Variants in KCNMA1 observed in about 807,000 individuals in gnomAD.
KCNMA1 encodes potassium calcium-activated channel subfamily M alpha 1, also known as Calcium-activated potassium channel subunit alpha-1.
A neutral mutation model predicts 140.0 loss-of-function variants in KCNMA1; 29 were observed. That is an observed-to-expected ratio of 0.21 (90% CI 0.15 to 0.28). KCNMA1 has a LOEUF of 0.28. Among genes scored for constraint, KCNMA1 ranks in the 10% least tolerant of loss-of-function variants. The pLI is 1.00. For missense variants in KCNMA1, 880 were observed against 1,602.2 expected (o/e 0.55, Z 7.70); for synonymous variants, 612 against 611.9 (o/e 1.00, Z 0.00).
rs564745394 is a variant in KCNMA1, at chr10:76,887,574, C to G, written c.3462-59G>C. The G allele has an allele frequency of 3.8e-6, 6 of 1,597,740 alleles. No homozygotes were observed. The South Asian group carries it at 6.6e-5, about 18-fold the overall frequency. On this transcript the variant is annotated intron_variant, in intron 27 of 27. Transcript: ENST00000286628. The stretch of plus-strand genomic sequence containing the variant: ...GAGTAACTGAGTAAAGAATTCAACT[C>G]TCTCTGAACCAAAAGCAATGGCCTG...
intron 6 of KCNMA1, among the ~76,000 whole-genome samples, chr10:77,118,820 G>A (rs1328588035): frequency 6.6e-6 from 1 of 152,178 alleles, no homozygotes. Context: ...CAAGTTCTCT[G>A]ACAGCAGGAC....
chr10:76,881,287 T>C (rs1253824480), downstream of KCNMA1, among the ~76,000 whole-genome samples: 3 of 152,222 alleles, frequency 2.0e-5, no homozygotes, highest in Non-Finnish European at 4.4e-5. Flanking sequence ...AGCAAATTTA[T>C]CTTAGCTTCA....
Position 77,150,936 on chromosome 10 carries a change from T to C in KCNMA1, c.809-29888A>G, listed in dbSNP as rs79283558. Among the ~76,000 whole-genome samples the C allele has an allele frequency of 2.7e-3, 409 of 152,280 alleles. 13 individuals carry two copies. The East Asian group carries it at 0.071, about 27-fold the overall frequency. On this transcript the variant is annotated intron_variant, in intron 5 of 27. Transcript: ENST00000286628. ...AGGGACTGGGAGTGTTGGTAATAGATAACCCTTAATATCCCATTCAGATCA... is the reference window on the plus strand; with the variant it reads ...AGGGACTGGGAGTGTTGGTAATAGACAACCCTTAATATCCCATTCAGATCA...
chr10:77,010,300 C>G (rs974843141), intron 18 of KCNMA1, among the ~76,000 whole-genome samples: 2 of 152,114 alleles, frequency 1.3e-5, no homozygotes, highest in Non-Finnish European at 2.9e-5. Context: ...CTCATCCGTG[C>G]TGCTGTGTCC....
chr10:77,434,978 G>C (rs1240616021), intron 1 of KCNMA1, among the ~76,000 whole-genome samples: 6 of 152,126 alleles, frequency 3.9e-5, no homozygotes, highest in African/African-American at 1.4e-4. Flanking sequence ...TTTGGGGAGA[G>C]AGTCTCACTC....
intron 5 of KCNMA1, among the ~76,000 whole-genome samples, chr10:77,156,651 T>C (rs2098487799): frequency 6.6e-6 from 1 of 152,236 alleles, no homozygotes. Context: ...CGCAGTTAAA[T>C]GATAACCAGC....
At chr10:77,005,121 G>A (rs1279577947) in intron 18 of KCNMA1, among the ~76,000 whole-genome samples, 2 of 152,198 alleles carry the variant, frequency 1.3e-5, no homozygotes, top group Non-Finnish European at 2.9e-5. Flanking sequence ...GTAGATCTAT[G>A]AGGACATCTA....
intron 2 of KCNMA1, among the ~76,000 whole-genome samples, chr10:77,283,906 A>G (rs1356005738): frequency 1.3e-5 from 2 of 152,208 alleles, no homozygotes; most frequent in African/African-American, 2.4e-5. Context: ...AGGTGAAAAG[A>G]AGTTTCTCAA....
At chr10:77,233,215 C>A (rs868458155) in intron 3 of KCNMA1, among the ~76,000 whole-genome samples, 1 of 152,284 alleles carries the variant, frequency 6.6e-6, no homozygotes, top group African/African-American at 2.4e-5. Flanking sequence ...ACTCTCAATT[C>A]TATTCCACTG....
intron 5 of KCNMA1, among the ~76,000 whole-genome samples, chr10:77,162,761 A>G (rs764468320): frequency 6.6e-6 from 1 of 152,248 alleles, no homozygotes; most frequent in Non-Finnish European, 1.5e-5. Context: ...GAATGATTCC[A>G]TCTCCATTGA....
rs754143823 is a variant in KCNMA1, at chr10:76,887,255, G to A, written c.*11C>T. The A allele has an allele frequency of 6.2e-7, 1 of 1,613,968 alleles. No individual in the cohort carries two copies. Among genetic ancestry groups the A allele is most frequent in the African/African-American group, 1.3e-5 (1 of 74,990 alleles). On this transcript the variant is annotated 3_prime_UTR_variant, in exon 28 of 28. Transcript: ENST00000286628. ...AGATACAGTTTCACACAGTGGCGGTGGATACACATATCAAAGCCGCTCTTC... is the reference window on the plus strand; with the variant it reads ...AGATACAGTTTCACACAGTGGCGGTAGATACACATATCAAAGCCGCTCTTC...
chr10:77,556,277 G>T (rs993869481), intron 1 of KCNMA1, among the ~76,000 whole-genome samples: 1 of 152,126 alleles, frequency 6.6e-6, no homozygotes, highest in African/African-American at 2.4e-5. Flanking sequence ...GGCCGAGGCA[G>T]GTGGATCATT....
At chr10:77,026,393 G>A (rs1401714611) in intron 16 of KCNMA1, among the ~76,000 whole-genome samples, 5 of 152,090 alleles carry the variant, frequency 3.3e-5, no homozygotes, top group East Asian at 3.9e-4. Flanking sequence ...TTCGCAACAC[G>A]GGGAATATCA....
chr10:77,572,206 A>G (rs978210999), intron 1 of KCNMA1, among the ~76,000 whole-genome samples: 1 of 152,144 alleles, frequency 6.6e-6, no homozygotes, highest in East Asian at 1.9e-4. Context: ...CTATACACAC[A>G]TGATGTGGGC....
intron 1 of KCNMA1, among the ~76,000 whole-genome samples, chr10:77,467,561 A>G (rs2098056007): frequency 6.6e-6 from 1 of 152,226 alleles, no homozygotes; most frequent in African/African-American, 2.4e-5. Context: ...GTGTGGACAC[A>G]CAGAGCTGCC....
At chr10:77,198,595 T>TATA (rs2041464860) in intron 3 of KCNMA1, among the ~76,000 whole-genome samples, 2 of 103,970 alleles carry the variant, frequency 1.9e-5, no homozygotes, top group Admixed American at 9.9e-5. Flanking sequence ...ATATATATAT[T>TATA]TCTTAACATT....
chr10:77,130,031 T>C (rs2097825082), intron 5 of KCNMA1, among the ~76,000 whole-genome samples: 1 of 152,122 alleles, frequency 6.6e-6, no homozygotes, highest in African/African-American at 2.4e-5. Flanking sequence ...TTCTAAACTG[T>C]TCCATAATAC....
chr10:77,636,962 C>A, intron 1 of KCNMA1: 5 of 1,414,494 alleles, frequency 3.5e-6, no homozygotes, highest in Non-Finnish European at 4.6e-6. Context: ...GGCACCCGAG[C>A]CTGTGAGTCC....
intron 1 of KCNMA1, among the ~76,000 whole-genome samples, chr10:77,602,556 T>A (rs2083002786): frequency 6.6e-6 from 1 of 152,234 alleles, no homozygotes; most frequent in African/African-American, 2.4e-5. Context: ...ATGTGAGTGA[T>A]ACCTCAATAA....
Sources: gnomAD v4.1 joint callset for allele counts (sites outside exome capture counted in the v4.1 genomes callset) on GRCh38, gnomAD v4.1.1 for gene constraint, MANE v1.5 for transcripts, NCBI Gene and HGNC (gene_info 2026-07-23, HGNC 2026-07-21) for gene names.